Variants in HIVEP3 observed in about 807,000 individuals in gnomAD.
HIVEP3 encodes HIVEP zinc finger 3.
In HIVEP3, 49 loss-of-function variants were observed where a neutral mutation model predicts 152.8. That is an observed-to-expected ratio of 0.32 (90% confidence interval 0.26 to 0.41). The LOEUF is 0.41. HIVEP3 is among the 10% of genes least tolerant of loss of function. The pLI, the probability that HIVEP3 is intolerant of heterozygous loss-of-function variation, is 1.00. For synonymous variants in HIVEP3, 1,269 were observed against 1,289.0 expected (o/e 0.98, Z 0.33); for missense variants, 2,790 against 3,103.3 (o/e 0.90, Z 2.40).
Position 41,971,803 on chromosome 1 carries a change from AG to A in HIVEP3, n.120-53280del, listed in dbSNP as rs202114620. ...CCCCAATATAACAGTATTAAGAGGT[AG>A]GACCTTTTGGTGGTGATAGACCATG... On this transcript the variant is annotated intron_variant and non_coding_transcript_variant, in intron 1 of 3. Transcript: ENST00000489103. Among the ~76,000 whole-genome samples the A allele has an allele frequency of 3.8e-4, 58 of 152,330 alleles. No homozygotes were observed. In the East Asian group the frequency reaches 9.9e-3, roughly 26 times the overall value.
intron 1 of HIVEP3, among the ~76,000 whole-genome samples, chr1:41,737,321 C>A (rs1570430111): frequency 6.6e-6 from 1 of 152,208 alleles, no homozygotes; most frequent in South Asian, 2.1e-4. Flanking sequence ...TTGACCGATA[C>A]TCTTGCCGTT....
At chr1:41,845,680 C>T (rs534265621) in intron 1 of HIVEP3, among the ~76,000 whole-genome samples, 2 of 152,220 alleles carry the variant, frequency 1.3e-5, no homozygotes, top group East Asian at 3.9e-4. Flanking sequence ...AACTAGATGG[C>T]TGGGCATGTA....
chr1:41,749,230 G>T (rs191473924), intron 1 of HIVEP3, among the ~76,000 whole-genome samples: 60 of 152,302 alleles, frequency 3.9e-4, no homozygotes, highest in African/African-American at 1.4e-3. Flanking sequence ...CTTCACACTT[G>T]GCACTCCTGG....
chr1:41,673,424 G>A (rs915811283), intron 2 of HIVEP3, among the ~76,000 whole-genome samples: 2 of 152,198 alleles, frequency 1.3e-5, no homozygotes, highest in Admixed American at 1.3e-4. Flanking sequence ...TTCCCCAGCA[G>A]CCACAGGAGG....
intron 1 of HIVEP3, among the ~76,000 whole-genome samples, chr1:41,995,203 C>G (rs1256443847): frequency 6.6e-6 from 1 of 151,800 alleles, no homozygotes; most frequent in African/African-American, 2.4e-5. Context: ...GGAAGAAACC[C>G]ACTCCTAGAC....
At chr1:41,958,268 C>A (rs1027644468) in intron 1 of HIVEP3, among the ~76,000 whole-genome samples, 2 of 152,182 alleles carry the variant, frequency 1.3e-5, no homozygotes, top group Non-Finnish European at 2.9e-5. Context: ...CTGTGTGGTG[C>A]CTTGGGCATG....
chr1:41,862,365 C>T (rs1298036963), intron 1 of HIVEP3, among the ~76,000 whole-genome samples: 1 of 152,214 alleles, frequency 6.6e-6, no homozygotes, highest in Admixed American at 6.5e-5. Flanking sequence ...TAGAAATCCT[C>T]AGAAATCCAG....
chr1:41,556,243 C>T (rs955679500), intron 5 of HIVEP3, among the ~76,000 whole-genome samples: 3 of 152,192 alleles, frequency 2.0e-5, no homozygotes, highest in African/African-American at 4.8e-5. Flanking sequence ...CACGCTCCCA[C>T]CAGCAGCGTA....
intron 1 of HIVEP3, among the ~76,000 whole-genome samples, chr1:41,787,806 A>G (rs1254007514): frequency 1.3e-5 from 2 of 152,088 alleles, no homozygotes; most frequent in Admixed American, 1.3e-4. Flanking sequence ...AGATGCTACA[A>G]TTACAGGCGT....
chr1:41,944,855 C>A (rs1384116888), intron 1 of HIVEP3, among the ~76,000 whole-genome samples: 3 of 152,184 alleles, frequency 2.0e-5, no homozygotes, highest in Admixed American at 2.0e-4. Flanking sequence ...GGGAAACATT[C>A]CCCCCAAGGC....
chr1:41,811,518 C>CTGT (rs1157564518), intron 1 of HIVEP3, among the ~76,000 whole-genome samples: 4 of 151,976 alleles, frequency 2.6e-5, no homozygotes, highest in Non-Finnish European at 5.9e-5. Context: ...GTTACATTTG[C>CTGT]TGTTAGGCAA....
chr1:41,582,163 C>T lies in HIVEP3; in HGVS notation c.2635G>A (p.Glu879Lys). The change falls in exon 4 of 9, where the codon GAG becomes AAG. Residue 879 changes from glutamate to lysine, a missense_variant. By Grantham distance (56) the Glu-to-Lys change is moderately conservative. Around this residue, in one of 9 missense-constraint regions of HIVEP3, gnomAD observed 1,078 missense variants for 1,165.3 expected, o/e 0.93. Coordinates refer to ENST00000372583, the MANE Select transcript of HIVEP3 (RefSeq NM_024503.5). This position sits in a 1 kb window ranked among gnomAD's most constrained non-coding sequence, Gnocchi z 4.7. ...TEPEPPPKEP[E>K]KTEEFQWPQR... ...GGCCATTGGAACTCCTCAGTCTTCT[C>T]AGGTTCCTTAGGGGGCGGCTCTGGC... is the stretch of plus-strand genomic sequence containing the variant. The T allele has an allele frequency of 6.2e-7, 1 of 1,614,060 alleles. No homozygotes were observed. The highest frequency in any genetic ancestry group is 8.5e-7 in the Non-Finnish European group (1 of 1,179,970).
chr1:41,896,378 T>C (rs1253020836), intron 1 of HIVEP3, among the ~76,000 whole-genome samples: 1 of 152,190 alleles, frequency 6.6e-6, no homozygotes, highest in African/African-American at 2.4e-5. Context: ...TTAACCACTG[T>C]GAACTTGCGT....
intron 1 of HIVEP3, among the ~76,000 whole-genome samples, chr1:41,732,724 C>T (rs1479939497): frequency 2.0e-5 from 3 of 152,060 alleles, no homozygotes; most frequent in African/African-American, 7.3e-5. Flanking sequence ...TCATACAGCA[C>T]CTGGACCGCG....
At chr1:41,636,890 C>G (rs1211813139) in intron 2 of HIVEP3, among the ~76,000 whole-genome samples, 1 of 146,498 alleles carries the variant, frequency 6.8e-6, no homozygotes, top group African/African-American at 2.6e-5. Context: ...AACCGGGAGG[C>G]AGAGGTTGCA....
chr1:41,892,499 C>T (rs1292594402), intron 1 of HIVEP3, among the ~76,000 whole-genome samples: 1 of 152,076 alleles, frequency 6.6e-6, no homozygotes, highest in Non-Finnish European at 1.5e-5. Context: ...CCAAAGAGAG[C>T]ACAGAGAAGG....
chr1:41,731,512 A>G (rs894390879), intron 1 of HIVEP3, among the ~76,000 whole-genome samples: 1 of 152,228 alleles, frequency 6.6e-6, no homozygotes, highest in African/African-American at 2.4e-5. Context: ...TATGTAACTA[A>G]CAGGATGTCG....
At chr1:41,896,416 C>T (rs1217426498) in intron 1 of HIVEP3, among the ~76,000 whole-genome samples, 3 of 152,192 alleles carry the variant, frequency 2.0e-5, no homozygotes, top group Non-Finnish European at 2.9e-5. Flanking sequence ...CCTTTCCTGT[C>T]AACACATGTG....
intron 1 of HIVEP3, among the ~76,000 whole-genome samples, chr1:41,781,522 C>T (rs1649039877): frequency 6.6e-6 from 1 of 152,206 alleles, no homozygotes; most frequent in Non-Finnish European, 1.5e-5. Flanking sequence ...CGCTCTTTCT[C>T]ACTAGACTGA....
Sources: gnomAD v4.1 joint callset for allele counts (sites outside exome capture counted in the v4.1 genomes callset) on GRCh38, gnomAD v4.1.1 for gene constraint, gnomAD v4.1.1 regional missense constraint, Gnocchi (gnomAD v3.1) non-coding constraint, MANE v1.5 for transcripts, NCBI Gene and HGNC (gene_info 2026-07-23, HGNC 2026-07-21) for gene names.